Variants in PCARE observed in about 807,000 individuals in gnomAD.
The protein encoded by PCARE is uncharacterized protein C2orf71.
PCARE carries 72 observed loss-of-function variants against 82.2 expected under a neutral mutation model. The observed-to-expected ratio is 0.88, with a 90% confidence interval of 0.72 to 1.07. The LOEUF is 1.07. PCARE is among the 50% of genes least tolerant of loss of function. The pLI is 0.00. For synonymous variants in PCARE, 705 were observed against 634.8 expected (o/e 1.11, Z -1.66); for missense variants, 1,768 against 1,592.4 (o/e 1.11, Z -1.88).
rs774495011 is a variant in PCARE, at chr2:29,071,176, G to A, written c.3086C>T (p.Pro1029Leu). 4 of 1,584,300 alleles carry A rather than the reference G, an allele frequency of 2.5e-6. No homozygotes were observed. The highest frequency in any genetic ancestry group is 2.2e-5 in the East Asian group (1 of 44,602). ...AQPSPSAVQT[P>L]PSPPVSPRVL... Reference sequence around the variant, plus strand: ...CCTGGGGCTCACAGGTGGGCTGGGGGGCGTCTGCACAGCAGAGGGGCTTGG... The same window carrying A: ...CCTGGGGCTCACAGGTGGGCTGGGGAGCGTCTGCACAGCAGAGGGGCTTGG... The change falls in exon 1 of 2, where the codon CCC becomes CTC. Residue 1029 changes from proline (P) to leucine (L), a missense_variant. By Grantham distance (98) the Pro-to-Leu change is moderately conservative (BLOSUM62 -3). Coordinates refer to ENST00000331664, the MANE Select transcript of PCARE (RefSeq NM_001029883.3).
Position 29,073,643 on chromosome 2 carries a change from G to A in PCARE, c.619C>T (p.Gln207Ter). 4.3e-6 allele frequency: 7 copies of A among 1,614,208 alleles called. No individual in the cohort carries two copies. The highest frequency in any genetic ancestry group is 5.9e-6 in the Non-Finnish European group (7 of 1,180,038). The part of the protein sequence containing the change: ...KYEAILCIIH[Q>*]ATQTRELLQP... ...AGCAGCTCCCGGGTCTGGGTGGCCT[G>A]ATGGATGATGCACAGAATTGCTTCA... Residue 207 changes from glutamine (Q) to a stop codon, truncating the protein, a stop_gained, in exon 1 of 2, where the codon CAG (glutamine) becomes TAG (stop). Transcript: ENST00000331664. LOFTEE classifies it high-confidence loss of function.
At position 29,065,019 on chromosome 2, in the gene PCARE, G is replaced by T; in HGVS notation, c.3717C>A (p.Pro1239=). ...TGCCGCCCTGCAGTTCAGGGGAACA[G>T]GGGCTGCTCCCCGGCTCTGTGTCCT... ...PKKDTEPGSS[P]CSPELQGGTR... The change falls in exon 2 of 2, where the codon CCC becomes CCA. Residue 1239 remains proline (P), a synonymous_variant. Coordinates refer to ENST00000331664, the MANE Select transcript of PCARE (RefSeq NM_001029883.3). The T allele has an allele frequency of 6.4e-7, 1 of 1,559,760 alleles. No homozygotes were observed. Among genetic ancestry groups the T allele is most frequent in the East Asian group, 2.4e-5 (1 of 41,314 alleles).
intron 1 of PCARE, 110 bp from the exon 2 acceptor site, chr2:29,065,177 C>T (rs1667373977): frequency 1.6e-6 from 2 of 1,277,444 alleles, no homozygotes; most frequent in Non-Finnish European, 2.2e-6. Flanking sequence ...CCCTCTCCCA[C>T]AAGCCTGTTC....
chr2:29,073,641 C>T lies in PCARE; in HGVS notation c.621G>A (p.Gln207=). The T allele has an allele frequency of 1.9e-6, 3 of 1,614,188 alleles. No individual in the cohort carries two copies. The highest frequency in any genetic ancestry group is 2.5e-6 in the Non-Finnish European group (3 of 1,180,040). The change falls in exon 1 of 2, where the codon CAG becomes CAA. Residue 207 remains glutamine (Q), a synonymous_variant. Transcript: ENST00000331664. ...GCAGCAGCTCCCGGGTCTGGGTGGC[C>T]TGATGGATGATGCACAGAATTGCTT... is the stretch of plus-strand genomic sequence containing the variant. The part of the protein sequence containing the change: ...KYEAILCIIH[Q]ATQTRELLQP...
At position 29,073,819 on chromosome 2, in the gene PCARE, G is replaced by T. The variant is rs1275452031; in HGVS notation, c.443C>A (p.Thr148Lys). ...STQDTSKWKR[T>K]AKCHTSSTQS... ...TGTGCTTGACGTGTGACATTTTGCT[G>T]TCCTTTTCCATTTGGAAGTATCTTG... is the stretch of plus-strand genomic sequence containing the variant. The change falls in exon 1 of 2, where the codon ACA becomes AAA. Residue 148 changes from threonine to lysine, a missense_variant. Coordinates refer to ENST00000331664, the MANE Select transcript of PCARE (RefSeq NM_001029883.3). 2 of 1,614,220 alleles carry T rather than the reference G, an allele frequency of 1.2e-6. No homozygotes were observed. Among genetic ancestry groups the T allele is most frequent in the Non-Finnish European group, 8.5e-7 (1 of 1,180,038 alleles).
Position 29,064,129 on chromosome 2 carries a change from A to G in PCARE, c.*740T>C, listed in dbSNP as rs947406741. 1.3e-5 allele frequency: 2 copies of G among 153,636 alleles called. No homozygotes were observed. Among genetic ancestry groups the G allele is most frequent in the African/African-American group, 4.8e-5 (2 of 41,460 alleles). 9.5% of individuals were successfully genotyped at this position (153,636 alleles called of 1,614,324 possible). A position where few individuals can be genotyped will look rare whatever the true frequency, so the allele number is the denominator to read the frequency against. ...CTGAGCTTGGGAAGGAGGAGAGGACAGAGGACGGGTGGGGCTGTGTGTTTT... is the reference window on the plus strand; with the variant it reads ...CTGAGCTTGGGAAGGAGGAGAGGACGGAGGACGGGTGGGGCTGTGTGTTTT... On this transcript the variant is annotated 3_prime_UTR_variant, in exon 2 of 2. Transcript: ENST00000331664.
At chr2:29,069,956 G>C (rs1427531541) in intron 1 of PCARE, among the ~76,000 whole-genome samples, 2 of 152,114 alleles carry the variant, frequency 1.3e-5, no homozygotes, top group Non-Finnish European at 2.9e-5. Context: ...CAGAAACATG[G>C]GGAGCCAGGC....
rs112317722 is a variant in PCARE, at chr2:29,072,661, C to A, written c.1601G>T (p.Ser534Ile). 1.4e-4 allele frequency: 229 copies of A among 1,614,036 alleles called. 2 individuals carry two copies. The African/African-American group carries it at 2.6e-3, about 18-fold the overall frequency. ...CAGAATCATTTCCTGGGCCTGGAGG[C>A]TCCTAAGCCTCCTGGTGCGGGCCTG... ...PFQARTRRLR[S>I]LQAQEMILKM... The change falls in exon 1 of 2, where the codon AGC becomes ATC. Residue 534 changes from serine (S) to isoleucine (I), a missense_variant. Physicochemically the swap from Ser to Ile is moderately radical, Grantham distance 142. Transcript: ENST00000331664.
intron 1 of PCARE, among the ~76,000 whole-genome samples, chr2:29,067,073 C>A (rs1321478197): frequency 3.0e-5 from 1 of 33,616 alleles, no homozygotes; most frequent in Non-Finnish European, 6.4e-5. Context: ...AAGGGGGCTT[C>A]TGCCTGCACG....
Position 29,071,383 on chromosome 2 carries a change from C to T in PCARE, c.2879G>A (p.Trp960Ter), listed in dbSNP as rs1667479324. The change falls in exon 1 of 2, where the codon TGG (tryptophan) becomes TAG (stop). Residue 960 changes from tryptophan to a stop codon, truncating the protein, a stop_gained. Transcript: ENST00000331664. LOFTEE classifies it high-confidence loss of function. ...LYRQPRKAIA[W>*]HHSGPPSGQN... ...TCCAGATGGAGGGCCGGAGTGGTGC[C>T]AGGCGATGGCCTTCCGGGGCTGCCT... 6.2e-7 allele frequency: 1 copy of T among 1,613,652 alleles called. No individual in the cohort carries two copies. Among genetic ancestry groups the T allele is most frequent in the Admixed American group, 1.7e-5 (1 of 60,012 alleles).
chr2:29,073,660 AT>A lies in PCARE; in HGVS notation c.601del (p.Ile201PhefsTer55). On this transcript the variant is annotated frameshift_variant, in exon 1 of 2. Coordinates refer to ENST00000331664, the MANE Select transcript of PCARE (RefSeq NM_001029883.3). LOFTEE classifies it high-confidence loss of function. ...GGTGGCCTGATGGATGATGCACAGA[AT>A]TGCTTCATATTTGGAGAGGCTGGAG... ...LHSSLSKYEAILCIIHQATQT... is the reference protein window; with the variant it reads ...LHSSLSKYEAXLCIIHQATQT... 2 of 1,614,164 alleles carry A rather than the reference AT, an allele frequency of 1.2e-6. No homozygotes were observed. Among genetic ancestry groups the A allele is most frequent in the Non-Finnish European group, 1.7e-6 (2 of 1,180,030 alleles).
Position 29,072,813 on chromosome 2 carries a change from G to C in PCARE, c.1449C>G (p.Asp483Glu), listed in dbSNP as rs763691703. The change falls in exon 1 of 2, where the codon GAC becomes GAG. Residue 483 changes from aspartate (D) to glutamate (E), a missense_variant. Transcript: ENST00000331664. ...CCTCCTCTGGGCTGCTGTCCTCGCT[G>C]TCACTAAGAGATGAAGCGTCCATCG... is the stretch of plus-strand genomic sequence containing the variant. ...SRPMDASSLS[D>E]SEDSSPEEEE... The C allele has an allele frequency of 6.2e-7, 1 of 1,614,022 alleles. No individual in the cohort carries two copies. The highest frequency in any genetic ancestry group is 1.3e-5 in the African/African-American group (1 of 74,892).
chr2:29,073,041 G>T lies in PCARE; in HGVS notation c.1221C>A (p.Gly407=). The change falls in exon 1 of 2, where the codon GGC becomes GGA. Residue 407 remains glycine (G), a synonymous_variant. Coordinates refer to ENST00000331664, the MANE Select transcript of PCARE (RefSeq NM_001029883.3). ...WQQSPFCLGS[G]RPQDCLLSGA... is the part of the protein sequence containing the mutation. ...CTGAGAGCAGGCAGTCCTGGGGTCT[G>T]CCTGAGCCCAAACAGAATGGACTTT... 6.2e-7 allele frequency: 1 copy of T among 1,614,044 alleles called. No individual in the cohort carries two copies. The highest frequency in any genetic ancestry group is 1.1e-5 in the South Asian group (1 of 91,072).
At position 29,073,903 on chromosome 2, in the gene PCARE, C is replaced by A. The variant is rs747672063; in HGVS notation, c.359G>T (p.Gly120Val). 6.2e-7 allele frequency: 1 copy of A among 1,614,236 alleles called. No homozygotes were observed. Among genetic ancestry groups the A allele is most frequent in the Non-Finnish European group, 8.5e-7 (1 of 1,180,034 alleles). ...MAKDIPFKTQ[G>V]SHGSQGADFS... is the part of the protein sequence containing the mutation. ...GTCTGCCCCTTGTGATCCATGGGAA[C>A]CCTGTGTCTTGAACGGAATATCCTT... Residue 120 changes from glycine to valine, a missense_variant, in exon 1 of 2, where the codon GGT becomes GTT. By Grantham distance (109) the Gly-to-Val change is moderately radical. Coordinates refer to ENST00000331664, the MANE Select transcript of PCARE (RefSeq NM_001029883.3).
chr2:29,072,349 T>G lies in PCARE; in HGVS notation c.1913A>C (p.Gln638Pro). Residue 638 changes from glutamine (Q) to proline (P), a missense_variant, in exon 1 of 2, where the codon CAG (glutamine) becomes CCG (proline). By Grantham distance (76) the Gln-to-Pro change is moderately conservative. Coordinates refer to ENST00000331664, the MANE Select transcript of PCARE (RefSeq NM_001029883.3). ...ALGAKGQGQS[Q>P]EQILQPRAAA... is the part of the protein sequence containing the mutation. ...TGCTCTGGGCTGCAGAATTTGCTCC[T>G]GGCTCTGCCCCTGCCCTTTGGCACC... 1 of 1,614,126 alleles carries G rather than the reference T, an allele frequency of 6.2e-7. No individual in the cohort carries two copies. The highest frequency in any genetic ancestry group is 8.5e-7 in the Non-Finnish European group (1 of 1,180,020).
chr2:29,072,597 G>C lies in PCARE; in HGVS notation c.1665C>G (p.Val555=). ...AGTCCTGGTGCCCACAGGGCACAGG[G>C]ACAAACTTGATCCTTTCGCTGATTG... ...KESISERIKF[V]PVPCGHQDWS... is the part of the protein sequence containing the mutation. The change falls in exon 1 of 2, where the codon GTC becomes GTG. Residue 555 remains valine, a synonymous_variant. Transcript: ENST00000331664. The C allele has an allele frequency of 6.2e-7, 1 of 1,614,126 alleles. No individual in the cohort carries two copies. Among genetic ancestry groups the C allele is most frequent in the African/African-American group, 1.3e-5 (1 of 75,034 alleles).
Position 29,072,560 on chromosome 2 carries a change from C to T in PCARE, c.1702G>A (p.Glu568Lys), listed in dbSNP as rs1351441356. Reference protein sequence around the residue: ...PCGHQDWSEEEEGRTVVPPRP... With the variant: ...PCGHQDWSEEKEGRTVVPPRP... ...GGGGGGACCACTGTCCTCCCCTCCT[C>T]CTCCTCAGACCAGTCCTGGTGCCCA... The change falls in exon 1 of 2, where the codon GAG becomes AAG. Residue 568 changes from glutamate to lysine, a missense_variant. Coordinates refer to ENST00000331664, the MANE Select transcript of PCARE (RefSeq NM_001029883.3). 3.7e-6 allele frequency: 6 copies of T among 1,614,090 alleles called. No homozygotes were observed. Among genetic ancestry groups the T allele is most frequent in the Middle Eastern group, 1.6e-4 (1 of 6,084 alleles).
At position 29,073,417 on chromosome 2, in the gene PCARE, T is replaced by C. The variant is rs2148416699; in HGVS notation, c.845A>G (p.Asn282Ser). 1 of 1,614,074 alleles carries C rather than the reference T, an allele frequency of 6.2e-7. No homozygotes were observed. The highest frequency in any genetic ancestry group is 8.5e-7 in the Non-Finnish European group (1 of 1,180,018). ...QYTVSKLQVL[N>S]GTVASLTGSF... ...GCCGGTGAGCGAGGCCACTGTGCCA[T>C]TGAGCACCTGCAGCTTGCTGACTGT... The change falls in exon 1 of 2, where the codon AAT becomes AGT. Residue 282 changes from asparagine to serine, a missense_variant. Asn to Ser is a conservative substitution (Grantham distance 46, BLOSUM62 1). Transcript: ENST00000331664.
Position 29,063,496 on chromosome 2 carries a change from C to T in PCARE, c.*1373G>A, listed in dbSNP as rs369136353. On this transcript the variant is annotated 3_prime_UTR_variant, in exon 2 of 2. Coordinates refer to ENST00000331664, the MANE Select transcript of PCARE (RefSeq NM_001029883.3). ...TCTCTCTGGGGGAGGTTGCTATAGT[C>T]CCTAGGGACCCAGTTTAACAAGTTT... 2 of 152,596 alleles carry T rather than the reference C, an allele frequency of 1.3e-5. No homozygotes were observed. Among genetic ancestry groups the T allele is most frequent in the South Asian group, 2.1e-4 (1 of 4,834 alleles). The allele number at this position is 152,596 out of a possible 1,614,324, so 9.5% of individuals were successfully genotyped here.
Sources: allele counts gnomAD v4.1 joint callset (sites outside exome capture counted in the v4.1 genomes callset), GRCh38; gene constraint gnomAD v4.1.1; transcripts MANE v1.5; gene names NCBI Gene and HGNC (gene_info 2026-07-23, HGNC 2026-07-21).